Variants in CYC1 observed in about 807,000 individuals in gnomAD.
The protein encoded by CYC1 is cytochrome c1.
CYC1 carries 10 observed loss-of-function variants against 33.8 expected under a neutral mutation model. The observed-to-expected ratio is 0.30, with a 90% CI of 0.18 to 0.50. CYC1 has a LOEUF of 0.50. Among genes scored for constraint, CYC1 ranks in the 20% least tolerant of loss-of-function variants. The probability of loss-of-function intolerance (pLI) is 0.98; values close to 1 mark genes in which losing one functional copy is unlikely to be tolerated. For missense variants in CYC1, 459 were observed against 437.6 expected, an observed-to-expected ratio of 1.05 and a Z score of -0.44; for synonymous variants, 224 against 181.9, an observed-to-expected ratio of 1.23 and a Z score of -1.86.
chr8:144,096,287 G>C (rs1469395585), intron 3 of CYC1, 37 bp downstream of exon 3: 2 of 1,613,884 alleles, frequency 1.2e-6, no homozygotes, highest in East Asian at 4.5e-5. Flanking sequence ...CCAGGGCTCA[G>C]GGCTCCCACT....
Position 144,095,826 on chromosome 8 carries a change from C to T in CYC1, c.130-7C>T, listed in dbSNP as rs1391055743. ...GTCCTGGCAGGCGCTGAGCGGAGATCTTGCAGGCAGTGGCCTTGTCGTCGA... is the reference window on the plus strand; with the variant it reads ...GTCCTGGCAGGCGCTGAGCGGAGATTTTGCAGGCAGTGGCCTTGTCGTCGA... On this transcript the variant is annotated splice_region_variant and splice_polypyrimidine_tract_variant and intron_variant, in intron 1 of 6. Transcript: ENST00000318911. 2.5e-6 allele frequency: 4 copies of T among 1,604,540 alleles called. No homozygotes were observed. Among genetic ancestry groups the T allele is most frequent in the Non-Finnish European group, 3.4e-6 (4 of 1,179,116 alleles).
chr8:144,096,838 G>T, intron 5 of CYC1, 94 bp downstream of exon 5: 2 of 1,451,570 alleles, frequency 1.4e-6, no homozygotes, highest in Non-Finnish European at 9.5e-7. Flanking sequence ...AGGAGGTCCT[G>T]CCCACTTCTT....
chr8:144,096,910 T>G, intron 5 of CYC1, 124 bp from the exon 6 acceptor site: 1 of 1,157,476 alleles, frequency 8.6e-7, no homozygotes, highest in Non-Finnish European at 1.3e-6. Flanking sequence ...TTTGCGTATG[T>G]CCGGTGGAGG....
In CYC1 at chr8:144,097,238, A is replaced by AT; in HGVS notation, c.881dup (p.Met294IlefsTer92). ...GAGCCTTCCTTGTCTGCAGATGTTG[A>AT]TGATGATGGCTCTGCTGGTGCCCCT... On this transcript the variant is annotated frameshift_variant, in exon 7 of 7. Coordinates refer to ENST00000318911, the MANE Select transcript of CYC1 (RefSeq NM_001916.5). LOFTEE classifies it high-confidence loss of function. 1 of 1,614,060 alleles carries AT rather than the reference A, an allele frequency of 6.2e-7. No homozygotes were observed.
Position 144,096,179 on chromosome 8 carries a change from G to C in CYC1, c.382G>C (p.Asp128His). The change falls in exon 3 of 7, where the codon GAC becomes CAC. Residue 128 changes from aspartate to histidine, a missense_variant. Asp to His is a moderately conservative substitution (Grantham distance 81). Coordinates refer to ENST00000318911, the MANE Select transcript of CYC1 (RefSeq NM_001916.5). ...GGTGTGCGCCTCCTGCCACAGCATG[G>C]ACTTCGTGGCCTACCGCCACCTGGT... ...KQVCASCHSM[D>H]FVAYRHLVGV... The C allele has an allele frequency of 6.2e-7, 1 of 1,614,048 alleles. No individual in the cohort carries two copies. The highest frequency in any genetic ancestry group is 8.5e-7 in the Non-Finnish European group (1 of 1,179,966).
chr8:144,096,623 C>A lies in CYC1; in HGVS notation c.651C>A (p.Gly217=), dbSNP rs1397761103. The A allele has an allele frequency of 6.2e-7, 1 of 1,613,966 alleles. No homozygotes were observed. Among genetic ancestry groups the A allele is most frequent in the Non-Finnish European group, 8.5e-7 (1 of 1,179,998 alleles). ...ACTACGTCTTCTCCCTGCTCACGGG[C>A]TACTGCGAGCCACCCACCGGGGTGT... The part of the protein sequence containing the change: ...GEDYVFSLLT[G]YCEPPTGVSL... The change falls in exon 5 of 7, where the codon GGC becomes GGA. Residue 217 remains glycine, a synonymous_variant. Transcript: ENST00000318911.
intron 3 of CYC1, 42 bp downstream of exon 3, chr8:144,096,292 C>A (rs759723468): frequency 6.2e-7 from 1 of 1,613,404 alleles, no homozygotes; most frequent in Non-Finnish European, 8.5e-7. Flanking sequence ...GCTCAGGGCT[C>A]CCACTGTTGA....
Position 144,097,347 on chromosome 8 carries a change from T to A in CYC1, c.*11T>A. 1 of 1,611,426 alleles carries A rather than the reference T, an allele frequency of 6.2e-7. No homozygotes were observed. The highest frequency in any genetic ancestry group is 8.5e-7 in the Non-Finnish European group (1 of 1,178,082). ...CGGCCGCCCAAGTGACCCTGTCCAG[T>A]GTCTGCTTGCCATCCTGCCAGAACA... On this transcript the variant is annotated 3_prime_UTR_variant, in exon 7 of 7. Transcript: ENST00000318911.
rs201914197 is a variant in CYC1 at position 144,097,348 on chromosome 8, G to T, written c.*12G>T. 6.2e-7 allele frequency: 1 copy of T among 1,611,224 alleles called. No individual in the cohort carries two copies. Among genetic ancestry groups the T allele is most frequent in the East Asian group, 2.2e-5 (1 of 44,856 alleles). ...GGCCGCCCAAGTGACCCTGTCCAGTGTCTGCTTGCCATCCTGCCAGAACAG... is the reference window on the plus strand; with the variant it reads ...GGCCGCCCAAGTGACCCTGTCCAGTTTCTGCTTGCCATCCTGCCAGAACAG... On this transcript the variant is annotated 3_prime_UTR_variant, in exon 7 of 7. Transcript: ENST00000318911.
At chr8:144,095,633 T>C (rs1295851637) in intron 1 of CYC1, 200 bp from the exon 2 acceptor site, 1 of 611,668 alleles carries the variant, frequency 1.6e-6, no homozygotes, top group East Asian at 2.9e-5. Context: ...CGGCTCAGGA[T>C]CCAGGAACAC....
In CYC1 at chr8:144,097,345, A is replaced by G. The variant is rs1050618672; in HGVS notation, c.*9A>G. On this transcript the variant is annotated 3_prime_UTR_variant, in exon 7 of 7. Coordinates refer to ENST00000318911, the MANE Select transcript of CYC1 (RefSeq NM_001916.5). ...ATCGGCCGCCCAAGTGACCCTGTCC[A>G]GTGTCTGCTTGCCATCCTGCCAGAA... 11 of 1,612,192 alleles carry G rather than the reference A, an allele frequency of 6.8e-6. No individual in the cohort carries two copies. Among genetic ancestry groups the G allele is most frequent in the South Asian group, 1.1e-5 (1 of 91,008 alleles).
In CYC1 at chr8:144,096,042, C is replaced by T. The variant is rs1564310465; in HGVS notation, c.326+13C>T. ...TGGACCACACCAGGTGTGCAGCTGGCTGGCTGGCTGGCAGCGGGAGGTTCT... is the reference window on the plus strand; with the variant it reads ...TGGACCACACCAGGTGTGCAGCTGGTTGGCTGGCTGGCAGCGGGAGGTTCT... On this transcript the variant is annotated intron_variant, in intron 2 of 6. Transcript: ENST00000318911. The T allele has an allele frequency of 1.9e-6, 3 of 1,599,274 alleles. No individual in the cohort carries two copies. Among genetic ancestry groups the T allele is most frequent in the East Asian group, 2.2e-5 (1 of 44,678 alleles).
rs1242332787 is a variant in CYC1, at chr8:144,095,137, T to C, written c.38T>C (p.Leu13Ser). Residue 13 changes from leucine (L) to serine (S), a missense_variant, in exon 1 of 7, where the codon TTG becomes TCG. Coordinates refer to ENST00000318911, the MANE Select transcript of CYC1 (RefSeq NM_001916.5). ...GCGGCTTCGCTTCGCGGGGTAGTGT[T>C]GGGCCCGCGGGGCGCGGGGCTCCCG... ...AAAASLRGVVLGPRGAGLPGA... is the reference protein window; with the variant it reads ...AAAASLRGVVSGPRGAGLPGA... The C allele has an allele frequency of 8.3e-7, 1 of 1,210,586 alleles. No individual in the cohort carries two copies. Among genetic ancestry groups the C allele is most frequent in the African/African-American group, 1.6e-5 (1 of 63,358 alleles). 75.0% of individuals were successfully genotyped at this position (1,210,586 alleles called of 1,614,324 possible).
intron 5 of CYC1, 108 bp downstream of exon 5, chr8:144,096,852 T>C: frequency 7.3e-7 from 1 of 1,361,044 alleles, no homozygotes. Context: ...ACTTCTTGTC[T>C]GGGGCGTCTT....
intron 1 of CYC1, chr8:144,095,466 G>A (rs1231104108): frequency 4.7e-6 from 2 of 429,140 alleles, no homozygotes; most frequent in Non-Finnish European, 8.0e-6. Context: ...AGCTGCCGTG[G>A]CGGGGCTGGG....
chr8:144,096,813 T>C, intron 5 of CYC1, 69 bp downstream of exon 5: 1 of 1,492,856 alleles, frequency 6.7e-7, no homozygotes, highest in East Asian at 2.3e-5. Flanking sequence ...ATGCTTTCCC[T>C]GTGTTCCTGG....
rs1587604243 is a variant in CYC1, at chr8:144,096,439, C to T, written c.556C>T (p.Arg186Ter). 6.2e-7 allele frequency: 1 copy of T among 1,613,968 alleles called. No individual in the cohort carries two copies. Residue 186 changes from arginine (R) to a stop codon, truncating the protein, a stop_gained, in exon 4 of 7, where the codon CGA becomes TGA. Transcript: ENST00000318911. LOFTEE classifies it high-confidence loss of function. ...PKPYPNSEAA[R>*]AANNGALPPD... ...ACCATACCCCAACAGTGAGGCTGCT[C>T]GAGCTGCCAACAACGGAGCATTGCC...
Position 144,095,841 on chromosome 8 carries a change from C to T in CYC1, c.138C>T (p.Ala46=). Residue 46 remains alanine (A), a synonymous_variant, in exon 2 of 7, where the codon GCC becomes GCT. Transcript: ENST00000318911. The stretch of plus-strand genomic sequence containing the variant: ...GAGCGGAGATCTTGCAGGCAGTGGC[C>T]TTGTCGTCGAAGTCTGGCCTTTCCC... ...QLPLRTPQAV[A]LSSKSGLSRG... The T allele has an allele frequency of 1.2e-6, 2 of 1,606,922 alleles. No homozygotes were observed. The highest frequency in any genetic ancestry group is 1.3e-5 in the African/African-American group (1 of 74,920).
At chr8:144,095,467 C>T (rs893192263) in intron 1 of CYC1, 128 of 427,514 alleles carry the variant, frequency 3.0e-4, no homozygotes, top group Non-Finnish European at 4.5e-4. Context: ...GCTGCCGTGG[C>T]GGGGCTGGGG....
Sources: gnomAD v4.1 joint callset for allele counts on GRCh38, gnomAD v4.1.1 for gene constraint, MANE v1.5 for transcripts, NCBI Gene and HGNC (gene_info 2026-07-23, HGNC 2026-07-21) for gene names.